The following CNOT2 variants were observed in gnomAD, a reference collection of about 807,000 sequenced individuals.
CNOT2 encodes the protein CC chemokine receptor 4-negative regulator of transcription 2.
CNOT2 carries 7 observed loss-of-function variants against 72.1 expected under a neutral mutation model. The ratio of observed to expected loss-of-function variants is 0.10; its 90% CI spans 0.06 to 0.18. The LOEUF is 0.18. Ranked by LOEUF, CNOT2 falls within the 10% of genes least tolerant of loss-of-function variation. The probability of loss-of-function intolerance (pLI) is 1.00; values close to 1 mark genes in which losing one functional copy is unlikely to be tolerated. For missense variants in CNOT2, 345 were observed against 660.3 expected, an observed-to-expected ratio of 0.52 and a Z score of 5.23; for synonymous variants, 196 against 225.6, an observed-to-expected ratio of 0.87 and a Z score of 1.17.
intron 1 of CNOT2, among the ~76,000 whole-genome samples, chr12:70,245,124 G>T (rs1957815941): frequency 6.6e-6 from 1 of 152,162 alleles, no homozygotes; most frequent in African/African-American, 2.4e-5. Context: ...GGCTGAAATG[G>T]TTAAGTGTCT....
At chr12:70,299,319 C>A (rs1193359549) in intron 2 of CNOT2, among the ~76,000 whole-genome samples, 6 of 151,862 alleles carry the variant, frequency 4.0e-5, no homozygotes. Context: ...GTGTGCTGCA[C>A]CCATTAACTT....
chr12:70,309,113 C>T (rs1195912178), intron 2 of CNOT2, among the ~76,000 whole-genome samples: 1 of 152,002 alleles, frequency 6.6e-6, no homozygotes, highest in Non-Finnish European at 1.5e-5. Flanking sequence ...ATCTGTTTTC[C>T]CCCTAGTAGG....
In CNOT2 at chr12:70,342,273, C is replaced by T; in HGVS notation, c.1256C>T (p.Ser419Phe). 1 of 1,613,744 alleles carries T rather than the reference C, an allele frequency of 6.2e-7. No homozygotes were observed. The highest frequency in any genetic ancestry group is 8.5e-7 in the Non-Finnish European group (1 of 1,179,796). Residue 419 changes from serine to phenylalanine, a missense_variant, in exon 13 of 16, where the codon TCT (serine) becomes TTT (phenylalanine). By Grantham distance (155) the Ser-to-Phe change is radical. This residue lies in a region of CNOT2 where 53 missense variants were observed against 153.4 expected (regional missense o/e 0.35). Coordinates refer to ENST00000229195, the MANE Select transcript of CNOT2 (RefSeq NM_014515.7). ...RPQDIDFHVP[S>F]EYLTNIHIRD... ...TATTATCCAGACTTCCATGTTCCAT[C>T]TGAGTACTTAACGAACATTCACATT... is the stretch of plus-strand genomic sequence containing the variant.
At chr12:70,264,216 G>A (rs1482397275) in intron 1 of CNOT2, among the ~76,000 whole-genome samples, 1 of 152,106 alleles carries the variant, frequency 6.6e-6, no homozygotes, top group African/African-American at 2.4e-5. Context: ...TCTGTTCCTA[G>A]CTATCTCTCT....
intron 4 of CNOT2, chr12:70,324,333 C>T (rs1878741531): frequency 6.7e-6 from 1 of 150,278 alleles, no homozygotes; most frequent in African/African-American, 2.4e-5. Flanking sequence ...TAACAAATGT[C>T]CTGTTTTTAT....
intron 1 of CNOT2, among the ~76,000 whole-genome samples, chr12:70,264,557 C>T (rs1294840406): frequency 2.6e-5 from 4 of 152,086 alleles, no homozygotes; most frequent in African/African-American, 9.7e-5. Flanking sequence ...AAATGGGGCC[C>T]CTGTGTTCTA....
intron 11 of CNOT2, among the ~76,000 whole-genome samples, chr12:70,340,889 C>CTTT (rs55884675): frequency 1.3e-4 from 11 of 85,674 alleles, no homozygotes; most frequent in South Asian, 4.6e-4. Context: ...AACCCCAAAT[C>CTTT]TTTTTTTTTT....
chr12:70,346,101 G>A, intron 14 of CNOT2, 79 bp from the exon 15 acceptor site: 1 of 928,834 alleles, frequency 1.1e-6, no homozygotes, highest in Non-Finnish European at 1.6e-6. Flanking sequence ...TTTTCCGGAG[G>A]AAAGCTTTAC....
chr12:70,317,077 A>G (rs1305569670), intron 3 of CNOT2, among the ~76,000 whole-genome samples: 1 of 152,146 alleles, frequency 6.6e-6, no homozygotes, highest in East Asian at 1.9e-4. Flanking sequence ...ATAGCTTATA[A>G]TGACAGAAAA....
In CNOT2 at chr12:70,338,652, T is replaced by C. The variant is rs769567356; in HGVS notation, c.1022-14T>C. ...TTTCTTGAAAATAAAAGCAACTGTG[T>C]TTTTCCTACCCAGGTCGGGTTACTA... On this transcript the variant is annotated splice_polypyrimidine_tract_variant and intron_variant, in intron 10 of 15. Coordinates refer to ENST00000229195, the MANE Select transcript of CNOT2 (RefSeq NM_014515.7). 6.2e-7 allele frequency: 1 copy of C among 1,603,940 alleles called. No individual in the cohort carries two copies. The highest frequency in any genetic ancestry group is 1.4e-5 in the African/African-American group (1 of 74,066).
intron 11 of CNOT2, among the ~76,000 whole-genome samples, chr12:70,339,089 T>C (rs368685595): frequency 0.028 from 3,742 of 132,584 alleles, 91 homozygotes; most frequent in African/African-American, 0.064. Flanking sequence ...TATATATATA[T>C]ATACACACAC....
intron 1 of CNOT2, among the ~76,000 whole-genome samples, chr12:70,264,975 T>G (rs1340138557): frequency 6.6e-6 from 1 of 152,232 alleles, no homozygotes; most frequent in African/African-American, 2.4e-5. Flanking sequence ...AAGTCAGTCT[T>G]ATTTTCTCTG....
intron 2 of CNOT2, among the ~76,000 whole-genome samples, chr12:70,283,498 T>C (rs1406482023): frequency 1.3e-5 from 2 of 151,618 alleles, no homozygotes; most frequent in Non-Finnish European, 2.9e-5. Context: ...GATAGATAGA[T>C]AGATAGATAG....
intron 15 of CNOT2, among the ~76,000 whole-genome samples, chr12:70,349,974 C>T (rs975394787): frequency 6.6e-6 from 1 of 152,030 alleles, no homozygotes; most frequent in African/African-American, 2.4e-5. Flanking sequence ...CATCACTATA[C>T]TCCAGCCCAG....
intron 2 of CNOT2, chr12:70,294,134 A>G (rs1593149686): frequency 7.8e-7 from 1 of 1,289,108 alleles, no homozygotes; most frequent in African/African-American, 1.5e-5. Flanking sequence ...CTGGAGTTGA[A>G]CTTCAGAGCT....
chr12:70,346,098 G>A, intron 14 of CNOT2, 82 bp from the exon 15 acceptor site: 1 of 895,644 alleles, frequency 1.1e-6, no homozygotes, highest in Non-Finnish European at 1.7e-6. Context: ...TTTTTTTCCG[G>A]AGGAAAGCTT....
chr12:70,342,327 C>A lies in CNOT2; in HGVS notation c.1290+20C>A, dbSNP rs145845220. On this transcript the variant is annotated intron_variant, in intron 13 of 15. Transcript: ENST00000229195. ...GATAAGGTGAGTGTAGTTTATTATT[C>A]TACTCAGTCAGCATGAATTTATCTA... The A allele has an allele frequency of 3.8e-3, 6,052 of 1,611,038 alleles. 53 individuals carry two copies. The highest frequency in any genetic ancestry group is 0.034 in the Middle Eastern group (183 of 5,420).
At chr12:70,316,996 C>G (rs1877451022) in intron 3 of CNOT2, among the ~76,000 whole-genome samples, 1 of 152,138 alleles carries the variant, frequency 6.6e-6, no homozygotes, top group African/African-American at 2.4e-5. Context: ...ATGGATTGTT[C>G]TAAGTCATGC....
chr12:70,327,990 T>C (rs79758480), intron 4 of CNOT2, among the ~76,000 whole-genome samples: 14,487 of 151,902 alleles, frequency 0.095, 891 homozygotes, highest in Middle Eastern at 0.19. Flanking sequence ...CTTCAGCTAG[T>C]GACATTCTCA....
Sources: allele counts gnomAD v4.1 joint callset (sites outside exome capture counted in the v4.1 genomes callset), GRCh38; gene constraint gnomAD v4.1.1; regional missense constraint gnomAD v4.1.1; transcripts MANE v1.5; gene names NCBI Gene and HGNC (gene_info 2026-07-23, HGNC 2026-07-21).